Variants in ZNF438 observed in about 807,000 individuals in gnomAD.
ZNF438 encodes the protein zinc finger protein 438.
Under a neutral mutation model 38.0 loss-of-function variants are expected in ZNF438, and 25 were observed. That is an observed-to-expected ratio of 0.66 (90% CI 0.48 to 0.92). The LOEUF (loss-of-function observed/expected upper bound fraction) is 0.92. Among genes scored for constraint, ZNF438 ranks in the 40% least tolerant of loss-of-function variants. The pLI is 0.00. For missense variants in ZNF438, 1,007 were observed against 999.6 expected, an observed-to-expected ratio of 1.01 and a Z score of -0.10; for synonymous variants, 372 against 364.1, an observed-to-expected ratio of 1.02 and a Z score of -0.25.
chr10:31,014,546 G>A (rs938509712), intron 1 of ZNF438, among the ~76,000 whole-genome samples: 1 of 152,106 alleles, frequency 6.6e-6, no homozygotes, highest in South Asian at 2.1e-4. Flanking sequence ...AAACATGGAG[G>A]ATTAGGGCTT....
intron 2 of ZNF438, among the ~76,000 whole-genome samples, chr10:30,939,247 C>T (rs938815578): frequency 3.9e-5 from 6 of 152,314 alleles, no homozygotes; most frequent in South Asian, 4.1e-4. Flanking sequence ...TACAGCATGA[C>T]AACCTCAATC....
At chr10:31,007,287 T>G (rs1166521869) in intron 1 of ZNF438, among the ~76,000 whole-genome samples, 7 of 148,244 alleles carry the variant, frequency 4.7e-5, no homozygotes, top group Admixed American at 4.0e-4. Context: ...TTTTTTTTTT[T>G]TTTTTTTTTT....
intron 2 of ZNF438, among the ~76,000 whole-genome samples, chr10:30,940,633 C>T (rs919675032): frequency 2.6e-5 from 4 of 152,166 alleles, no homozygotes; most frequent in African/African-American, 9.7e-5. Flanking sequence ...ACATGGATTC[C>T]ATCCAAGAGG....
chr10:30,920,798 T>G (rs1195751821), intron 2 of ZNF438: 1 of 152,180 alleles, frequency 6.6e-6, no homozygotes, highest in African/African-American at 2.4e-5. Flanking sequence ...GTGTAGCCAG[T>G]AGAAAACTTG....
intron 1 of ZNF438, among the ~76,000 whole-genome samples, chr10:31,012,742 A>G (rs61845206): frequency 0.056 from 8,498 of 152,208 alleles, 283 homozygotes; most frequent in Non-Finnish European, 0.075. Context: ...TAATCCATTA[A>G]CCATCCTCCA....
At chr10:31,020,670 A>G (rs1456721614) in intron 1 of ZNF438, among the ~76,000 whole-genome samples, 1 of 151,618 alleles carries the variant, frequency 6.6e-6, no homozygotes, top group Non-Finnish European at 1.5e-5. Context: ...CTTAGTATAA[A>G]TTTATAAAGT....
At chr10:30,966,000 A>AC (rs1399393593) in intron 1 of ZNF438, among the ~76,000 whole-genome samples, 1 of 152,170 alleles carries the variant, frequency 6.6e-6, no homozygotes, top group Non-Finnish European at 1.5e-5. Context: ...CTGTAAAAAA[A>AC]ATAGAATCTA....
chr10:30,947,258 G>C (rs1268390661), intron 1 of ZNF438, among the ~76,000 whole-genome samples: 1 of 152,226 alleles, frequency 6.6e-6, no homozygotes, highest in African/African-American at 2.4e-5. Context: ...ATAACCATCA[G>C]CTGAACCTGC....
intron 2 of ZNF438, among the ~76,000 whole-genome samples, chr10:30,939,045 C>T (rs189552232): frequency 1.6e-3 from 244 of 151,924 alleles, no homozygotes; most frequent in African/African-American, 5.6e-3. Context: ...CTACCCACCT[C>T]GGCCTCCCAA....
intron 3 of ZNF438, 73 bp from the exon 5 acceptor site, chr10:30,877,138 A>C: frequency 1.3e-6 from 1 of 793,438 alleles, no homozygotes. Flanking sequence ...TAAATATAGA[A>C]ATTCTAAGCT....
intron 1 of ZNF438, among the ~76,000 whole-genome samples, chr10:30,946,087 T>C (rs1293196181): frequency 7.4e-4 from 112 of 150,734 alleles, no homozygotes; most frequent in African/African-American, 2.6e-3. Flanking sequence ...TTTTTAATGA[T>C]TGCCATTCTA....
At chr10:30,967,413 C>A (rs2050240984) in intron 1 of ZNF438, among the ~76,000 whole-genome samples, 1 of 152,158 alleles carries the variant, frequency 6.6e-6, no homozygotes, top group South Asian at 2.1e-4. Flanking sequence ...AAATGATCTA[C>A]TGATAAGTAG....
exon 6 of ZNF438, chr10:30,844,995 C>G (rs1407337169): frequency 6.2e-7 from 1 of 1,614,118 alleles, no homozygotes; most frequent in Admixed American, 1.7e-5. Flanking sequence ...TTCGATCACT[C>G]CCTGGTTGGA....
chr10:30,955,408 T>C (rs959807181), intron 1 of ZNF438, among the ~76,000 whole-genome samples: 1 of 152,220 alleles, frequency 6.6e-6, no homozygotes, highest in Non-Finnish European at 1.5e-5. Flanking sequence ...CAACAGAATA[T>C]AGTGGAAGTG....
chr10:30,938,285 T>C (rs2046461430), intron 2 of ZNF438, among the ~76,000 whole-genome samples: 1 of 151,982 alleles, frequency 6.6e-6, no homozygotes, highest in Non-Finnish European at 1.5e-5. Context: ...ATAGCTCTTT[T>C]TTTTTTTTTT....
intron 2 of ZNF438, among the ~76,000 whole-genome samples, chr10:30,938,848 G>A (rs1052247897): frequency 6.6e-6 from 1 of 152,068 alleles, no homozygotes; most frequent in African/African-American, 2.4e-5. Context: ...AGGCTGGAGT[G>A]CAGTGGCACG....
intron 3 of ZNF438, among the ~76,000 whole-genome samples, chr10:30,891,747 C>T (rs186064932): frequency 1.1e-4 from 16 of 152,242 alleles, no homozygotes; most frequent in Admixed American, 7.2e-4. Context: ...GAAAGACTCA[C>T]GTTTGTGGCA....
chr10:30,938,281 CT>C lies in ZNF438; in HGVS notation c.-115+3293del, dbSNP rs879736192. On this transcript the variant is annotated intron_variant, in intron 2 of 5. Transcript: ENST00000413025. Reference sequence around the variant, plus strand: ...CTGGAATATCATTTCCTCTATAGCTCTTTTTTTTTTTTTTAGATGGAGTTTC... The same window carrying C: ...CTGGAATATCATTTCCTCTATAGCTCTTTTTTTTTTTTTAGATGGAGTTTC... Among the ~76,000 whole-genome samples the C allele has an allele frequency of 8.9e-3, 1,276 of 143,360 alleles. 8 individuals are homozygous for C. The highest frequency in any genetic ancestry group is 0.016 in the African/African-American group (649 of 39,410). The allele number at this position is 143,360 out of a possible 152,430, so 94.0% of individuals were successfully genotyped here. A position where few individuals can be genotyped will look rare whatever the true frequency, so the allele number is the denominator to read the frequency against.
rs79257417 is a variant in ZNF438 at position 30,861,074 on chromosome 10, C to T, written c.38-10707G>A. Among the ~76,000 whole-genome samples the T allele has an allele frequency of 6.2e-3, 942 of 152,246 alleles. 20 individuals carry two copies. The highest frequency in any genetic ancestry group is 0.021 in the African/African-American group (882 of 41,524). ...ATGGACTAAATGAGATATATAAATA[C>T]AGTTGTCCCTTACCATCTGTGGGGG... On this transcript the variant is annotated intron_variant, in intron 4 of 5. Coordinates refer to ENST00000413025, the Ensembl canonical transcript of ZNF438.
Sources: allele counts gnomAD v4.1 joint callset (sites outside exome capture counted in the v4.1 genomes callset), GRCh38; gene constraint gnomAD v4.1.1; transcripts MANE v1.5; gene names NCBI Gene and HGNC (gene_info 2026-07-23, HGNC 2026-07-21).